The following DCLK2 variants were observed in gnomAD, a reference collection of about 807,000 sequenced individuals.
DCLK2 encodes the protein serine/threonine-protein kinase DCLK2.
A neutral mutation model predicts 78.4 loss-of-function variants in DCLK2; 31 were observed. The ratio of observed to expected loss-of-function variants is 0.40; its 90% CI spans 0.30 to 0.53. The LOEUF is 0.53. DCLK2 is among the 20% of genes least tolerant of loss of function. The pLI, the probability that DCLK2 is intolerant of heterozygous loss-of-function variation, is 0.61. For missense variants in DCLK2, 872 were observed against 973.7 expected, an observed-to-expected ratio of 0.90 and a Z score of 1.39; for synonymous variants, 407 against 374.9, an observed-to-expected ratio of 1.09 and a Z score of -0.99.
intron 2 of DCLK2, among the ~76,000 whole-genome samples, chr4:150,105,168 T>C (rs1407024361): frequency 6.6e-6 from 1 of 152,134 alleles, no homozygotes; most frequent in Non-Finnish European, 1.5e-5. Flanking sequence ...AGTATGTCAA[T>C]AGTTATGTTG....
chr4:150,244,528 T>G (rs1743159762), intron 12 of DCLK2, among the ~76,000 whole-genome samples: 1 of 152,154 alleles, frequency 6.6e-6, no homozygotes, highest in South Asian at 2.1e-4. Context: ...GCACAAACTC[T>G]TTTGTTGTTT....
intron 2 of DCLK2, among the ~76,000 whole-genome samples, chr4:150,172,769 G>GC (rs1736648733): frequency 3.4e-5 from 5 of 145,676 alleles, no homozygotes; most frequent in Non-Finnish European, 7.6e-5. Context: ...TTGGGGGGGG[G>GC]GGGGATACCT....
intron 5 of DCLK2, among the ~76,000 whole-genome samples, chr4:150,208,256 C>T (rs1442367579): frequency 6.6e-6 from 1 of 152,094 alleles, no homozygotes; most frequent in Admixed American, 6.5e-5. Context: ...TTGAAGTGGC[C>T]TAACAAAATA....
At chr4:150,178,799 T>G (rs1264841229) in intron 2 of DCLK2, among the ~76,000 whole-genome samples, 1 of 152,178 alleles carries the variant, frequency 6.6e-6, no homozygotes, top group Non-Finnish European at 1.5e-5. Flanking sequence ...AATCAAAGCC[T>G]CTAACTTTCA....
chr4:150,200,046 G>A (rs1327744870), intron 4 of DCLK2, among the ~76,000 whole-genome samples: 6 of 152,290 alleles, frequency 3.9e-5, no homozygotes, highest in South Asian at 4.1e-4. Context: ...AAAAGGGAGA[G>A]TGGTTCAAGA....
At chr4:150,162,187 TG>T (rs2150245741) in intron 2 of DCLK2, among the ~76,000 whole-genome samples, 1 of 152,216 alleles carries the variant, frequency 6.6e-6, no homozygotes, top group South Asian at 2.1e-4. Flanking sequence ...TGCGCCACCA[TG>T]CCTGGCTAAT....
chr4:150,212,696 T>G (rs1378920664), intron 5 of DCLK2, among the ~76,000 whole-genome samples: 1 of 152,210 alleles, frequency 6.6e-6, no homozygotes, highest in Non-Finnish European at 1.5e-5. Context: ...GGGAAGTAAA[T>G]GACTCACCTG....
rs1208255330 is a variant in DCLK2 at position 150,220,781 on chromosome 4, A to G, written c.1132+3A>G. ...TGACCGTTGCATAAGTCCTGAAGGT[A>G]GTTCTCAGTCTGATCATTACTTTGA... On this transcript the variant is annotated splice_donor_region_variant and intron_variant, in intron 6 of 15. Transcript: ENST00000296550. The G allele has an allele frequency of 1.2e-6, 2 of 1,611,504 alleles. No homozygotes were observed. The highest frequency in any genetic ancestry group is 1.7e-6 in the Non-Finnish European group (2 of 1,178,046).
rs1350274434 is a variant in DCLK2 at position 150,256,227 on chromosome 4, T to C, written c.2281T>C (p.Trp761Arg). The C allele has an allele frequency of 6.8e-7, 1 of 1,477,544 alleles. No homozygotes were observed. The highest frequency in any genetic ancestry group is 2.9e-5 in the East Asian group (1 of 34,542). 91.5% of individuals were successfully genotyped at this position (1,477,544 alleles called of 1,614,324 possible). ...CCCGGGTGGTGAGCGGGCAGGAACC[T>C]GGCGCCGCCACCGAGACTGAGCCTC... ...AAPGGERAGT[W>R]RRHRD The change falls in exon 16 of 16, where the codon TGG (tryptophan) becomes CGG (arginine). Residue 761 changes from tryptophan (W) to arginine (R), a missense_variant. Physicochemically the swap from Trp to Arg is moderately radical, Grantham distance 101. Coordinates refer to ENST00000296550, the MANE Select transcript of DCLK2 (RefSeq NM_001040260.4).
intron 5 of DCLK2, among the ~76,000 whole-genome samples, chr4:150,212,695 A>G (rs1476523945): frequency 6.6e-6 from 1 of 152,230 alleles, no homozygotes; most frequent in African/African-American, 2.4e-5. Flanking sequence ...TGGGAAGTAA[A>G]TGACTCACCT....
intron 3 of DCLK2, among the ~76,000 whole-genome samples, chr4:150,196,162 C>G (rs932795115): frequency 2.0e-5 from 3 of 152,118 alleles, no homozygotes; most frequent in African/African-American, 7.2e-5. Flanking sequence ...AAGGCCCATT[C>G]AGAATGCATG....
rs749003060 is a variant in DCLK2, at chr4:150,248,374, C to T, written c.1945C>T (p.Pro649Ser). ...TACCGCGGGACAAATCCTGAGTCAC[C>T]CCTGGGTGTCAGTAAGTACCCACAT... ...RCTAGQILSH[P>S]WVSDDASQEN... is the part of the protein sequence containing the mutation. Residue 649 changes from proline (P) to serine (S), a missense_variant, in exon 14 of 16, where the codon CCC becomes TCC. By Grantham distance (74) the Pro-to-Ser change is moderately conservative. This residue lies in a region of DCLK2 where 219 missense variants were observed against 230.1 expected (regional missense o/e 0.95). Coordinates refer to ENST00000296550, the MANE Select transcript of DCLK2 (RefSeq NM_001040260.4). 1 of 1,613,778 alleles carries T rather than the reference C, an allele frequency of 6.2e-7. No individual in the cohort carries two copies. Among genetic ancestry groups the T allele is most frequent in the Non-Finnish European group, 8.5e-7 (1 of 1,179,912 alleles).
intron 10 of DCLK2, among the ~76,000 whole-genome samples, chr4:150,234,598 G>A (rs968077525): frequency 6.6e-6 from 1 of 152,152 alleles, no homozygotes; most frequent in African/African-American, 2.4e-5. Flanking sequence ...CTAATCCAGA[G>A]TACCCGTCTT....
intron 2 of DCLK2, among the ~76,000 whole-genome samples, chr4:150,115,839 G>T (rs1180094021): frequency 6.6e-6 from 1 of 152,182 alleles, no homozygotes; most frequent in Non-Finnish European, 1.5e-5. Context: ...GCCAGTAGGG[G>T]AAGTATCCAT....
rs140738005 is a variant in DCLK2 at position 150,143,217 on chromosome 4, G to A, written c.756+40405G>A. On this transcript the variant is annotated intron_variant, in intron 2 of 15. Transcript: ENST00000296550. Reference sequence around the variant, plus strand: ...ATATATATTCAATTCCATAGTGTGCGTATTCAATATTGAACATTCAATAGT... The same window carrying A: ...ATATATATTCAATTCCATAGTGTGCATATTCAATATTGAACATTCAATAGT... 5.9e-5 allele frequency among the ~76,000 whole-genome samples: 9 copies of A among 152,104 alleles called. No individual in the cohort carries two copies. The East Asian group carries it at 7.7e-4, about 13-fold the overall frequency.
rs1009704521 is a variant in DCLK2 at position 150,078,862 on chromosome 4, C to T, written c.-166C>T. On this transcript the variant is annotated 5_prime_UTR_variant, in exon 1 of 16. Transcript: ENST00000296550. ...CTTTTAGCTGAGGGCGCGGGCGGGT[C>T]GGCTCCTCCGCGGCTCCTCGGCCCC... The T allele has an allele frequency of 6.0e-6, 5 of 834,798 alleles. No homozygotes were observed. In the Admixed American group the frequency reaches 1.5e-4, roughly 25 times the overall value. The allele number at this position is 834,798 out of a possible 1,614,324, so 51.7% of individuals were successfully genotyped here. A position where few individuals can be genotyped will look rare whatever the true frequency, so the allele number is the denominator to read the frequency against.
At position 150,175,096 on chromosome 4, in the gene DCLK2, A is replaced by ATATATTTATATATTTGTATATATTTG. The variant is rs1560835085; in HGVS notation, c.757-18037_757-18036insTTATATATTTGTATATATTTGTATAT. Among the ~76,000 whole-genome samples, 96 of 50,952 alleles carry ATATATTTATATATTTGTATATATTTG rather than the reference A, an allele frequency of 1.9e-3. 19 individuals are homozygous for ATATATTTATATATTTGTATATATTTG. The highest frequency in any genetic ancestry group is 8.9e-3 in the African/African-American group (89 of 9,968). 33.4% of individuals were successfully genotyped at this position (50,952 alleles called of 152,430 possible). ...TATTTATATATTTATATATATATTT[A>ATATATTTATATATTTGTATATATTTG]TATATATTTATATATTTATATTTTT... On this transcript the variant is annotated intron_variant, in intron 2 of 15. Coordinates refer to ENST00000296550, the MANE Select transcript of DCLK2 (RefSeq NM_001040260.4).
intron 1 of DCLK2, among the ~76,000 whole-genome samples, chr4:150,089,153 T>C (rs140123392): frequency 0.02 from 3,101 of 152,328 alleles, 40 homozygotes; most frequent in Non-Finnish European, 0.033. Context: ...TATTTCCCCT[T>C]CTCTCTCTTC....
chr4:150,114,641 G>A (rs560220824), intron 2 of DCLK2, among the ~76,000 whole-genome samples: 4 of 152,086 alleles, frequency 2.6e-5, no homozygotes, highest in Non-Finnish European at 4.4e-5. Context: ...TTTTGCCTTC[G>A]TTTATGACAG....
Sources: gnomAD v4.1 joint callset for allele counts (sites outside exome capture counted in the v4.1 genomes callset) on GRCh38, gnomAD v4.1.1 for gene constraint, gnomAD v4.1.1 regional missense constraint, MANE v1.5 for transcripts, NCBI Gene and HGNC (gene_info 2026-07-23, HGNC 2026-07-21) for gene names.